The following ROBO2 variants were observed in gnomAD, a reference collection of about 807,000 sequenced individuals.
ROBO2 encodes the protein roundabout guidance receptor 2, also known as roundabout homolog 2.
A neutral mutation model predicts 160.8 loss-of-function variants in ROBO2; 53 were observed. The ratio of observed to expected loss-of-function variants is 0.33; its 90% CI spans 0.26 to 0.41. The LOEUF (loss-of-function observed/expected upper bound fraction) is 0.41, where lower values mean the gene tolerates loss of function less well. Ranked by LOEUF, ROBO2 falls within the 10% of genes least tolerant of loss-of-function variation. The pLI is 1.00. For missense variants in ROBO2, 1,577 were observed against 1,722.4 expected (o/e 0.92, Z 1.49); for synonymous variants, 664 against 611.7 (o/e 1.09, Z -1.26).
intron 5 of ROBO2, among the ~76,000 whole-genome samples, chr3:77,497,408 A>C (rs1344056704): frequency 6.6e-6 from 1 of 152,148 alleles, no homozygotes; most frequent in Non-Finnish European, 1.5e-5. Flanking sequence ...AAGAAGATGC[A>C]CTTTTGGGTT....
rs555090079 is a variant in ROBO2 at position 77,565,166 on chromosome 3, C to T, written c.1849+46C>T. ...CAAGACTGGTTCTAGGCAGAAACAT[C>T]AGATATTTAAGAACGAGGGGCTTGA... On this transcript the variant is annotated intron_variant, in intron 12 of 25. Coordinates refer to ENST00000461745, the Ensembl canonical transcript of ROBO2. 30 of 1,602,294 alleles carry T rather than the reference C, an allele frequency of 1.9e-5. 1 individual carries two copies. The African/African-American group carries it at 3.5e-4, about 19-fold the overall frequency.
intron 2 of ROBO2, among the ~76,000 whole-genome samples, chr3:77,149,045 T>G (rs1353900560): frequency 6.6e-6 from 1 of 150,856 alleles, no homozygotes; most frequent in African/African-American, 2.4e-5. Context: ...TTTTTTTTTT[T>G]TTTTTTTTTT....
intron 2 of ROBO2, among the ~76,000 whole-genome samples, chr3:76,736,110 C>A (rs267144): frequency 2.0e-5 from 3 of 150,950 alleles, no homozygotes; most frequent in South Asian, 2.1e-4. Flanking sequence ...GGTGAAACCC[C>A]GTCTCTACTA....
intron 2 of ROBO2, among the ~76,000 whole-genome samples, chr3:76,022,762 A>G (rs1223897089): frequency 1.3e-5 from 2 of 151,720 alleles, no homozygotes; most frequent in Non-Finnish European, 3.0e-5. Flanking sequence ...TATTTTCAGA[A>G]TGGTAAATGA....
intron 2 of ROBO2, among the ~76,000 whole-genome samples, chr3:77,197,777 G>A (rs1028516488): frequency 2.6e-5 from 4 of 152,178 alleles, no homozygotes; most frequent in Admixed American, 2.0e-4. Context: ...TTTAATTAGG[G>A]CCTTGAAATG....
At chr3:76,306,547 A>G (rs1357648834) in intron 2 of ROBO2, among the ~76,000 whole-genome samples, 1 of 152,182 alleles carries the variant, frequency 6.6e-6, no homozygotes, top group African/African-American at 2.4e-5. Context: ...ATCTTGCTTA[A>G]TGGTGTCAAA....
At chr3:76,492,002 G>A (rs1256016982) in intron 2 of ROBO2, among the ~76,000 whole-genome samples, 1 of 152,292 alleles carries the variant, frequency 6.6e-6, no homozygotes, top group South Asian at 2.1e-4. Flanking sequence ...TGTAGTCCCA[G>A]CTACTGGGGA....
intron 2 of ROBO2, among the ~76,000 whole-genome samples, chr3:77,332,652 G>T (rs1160280658): frequency 6.6e-6 from 1 of 151,994 alleles, no homozygotes; most frequent in African/African-American, 2.4e-5. Flanking sequence ...TGTATATTTA[G>T]TACATAAAAG....
At chr3:77,629,315 A>T (rs1318024525) in intron 23 of ROBO2, 1 of 152,092 alleles carries the variant, frequency 6.6e-6, no homozygotes, top group Non-Finnish European at 1.5e-5. Flanking sequence ...TACTGGTTTC[A>T]CCTGTCAATA....
intron 2 of ROBO2, among the ~76,000 whole-genome samples, chr3:76,286,946 CAT>C (rs758250171): frequency 7.2e-5 from 11 of 152,288 alleles, no homozygotes; most frequent in Middle Eastern, 3.4e-3. Context: ...ATTTAATTCA[CAT>C]GTTTTCTTTT....
At position 76,537,655 on chromosome 3, in the gene ROBO2, CT is replaced by C. The variant is rs1448721181; in HGVS notation, c.110-560358del. On this transcript the variant is annotated intron_variant, in intron 2 of 26. Coordinates refer to the ROBO2 transcript ENST00000487694. ...GAACCAGTCTCCCGAAGGAGTCCCC[CT>C]GTCCCTGGTTTCAGCACCAAGTATC... is the stretch of plus-strand genomic sequence containing the variant. 5.3e-5 allele frequency among the ~76,000 whole-genome samples: 8 copies of C among 152,210 alleles called. No homozygotes were observed. The South Asian group carries it at 1.0e-3, about 20-fold the overall frequency.
At chr3:77,290,121 G>T (rs2061011017) in intron 2 of ROBO2, among the ~76,000 whole-genome samples, 1 of 151,996 alleles carries the variant, frequency 6.6e-6, no homozygotes, top group South Asian at 2.1e-4. Context: ...GATCACCAAA[G>T]ACATAAAGTA....
chr3:76,986,279 G>A (rs966445556), intron 2 of ROBO2, among the ~76,000 whole-genome samples: 10 of 151,708 alleles, frequency 6.6e-5, no homozygotes, highest in African/African-American at 2.4e-4. Flanking sequence ...TTATCTTTAG[G>A]GCTGTTTACT....
chr3:76,568,721 T>C lies in ROBO2; in HGVS notation c.110-529293T>C, dbSNP rs1189134342. 2.6e-5 allele frequency among the ~76,000 whole-genome samples: 4 copies of C among 152,310 alleles called. No homozygotes were observed. In the East Asian group the frequency reaches 5.8e-4, roughly 22 times the overall value. On this transcript the variant is annotated intron_variant, in intron 2 of 26. Transcript: ENST00000487694. ...CATAATCAAGATTATTTTAAGAATCTGTGAGATATATTGTACCTTATTTAT... is the reference window on the plus strand; with the variant it reads ...CATAATCAAGATTATTTTAAGAATCCGTGAGATATATTGTACCTTATTTAT...
At chr3:76,931,479 T>C (rs2077334956) in intron 2 of ROBO2, among the ~76,000 whole-genome samples, 2 of 152,194 alleles carry the variant, frequency 1.3e-5, no homozygotes, top group Admixed American at 1.3e-4. Flanking sequence ...TTTATGATCT[T>C]ACATATTTAA....
At chr3:77,178,141 G>A (rs2080336714) in intron 2 of ROBO2, among the ~76,000 whole-genome samples, 1 of 151,970 alleles carries the variant, frequency 6.6e-6, no homozygotes, top group South Asian at 2.1e-4. Context: ...CAGAAGATAA[G>A]GGGTAGAACA....
intron 2 of ROBO2, among the ~76,000 whole-genome samples, chr3:75,996,145 G>A (rs1435435220): frequency 3.9e-5 from 6 of 152,116 alleles, no homozygotes; most frequent in Non-Finnish European, 8.8e-5. Context: ...GAAATGTGAG[G>A]ACATCAGATT....
At chr3:76,903,032 T>G (rs2075339580) in intron 2 of ROBO2, among the ~76,000 whole-genome samples, 2 of 152,026 alleles carry the variant, frequency 1.3e-5, no homozygotes, top group Admixed American at 6.6e-5. Context: ...TTACAAGGAA[T>G]ATTTATTACC....
Position 77,125,602 on chromosome 3 carries a change from G to A in ROBO2, c.388+27262G>A, listed in dbSNP as rs78587719. Among the ~76,000 whole-genome samples the A allele has an allele frequency of 6.2e-3, 937 of 152,160 alleles. 13 individuals are homozygous for A. The highest frequency in any genetic ancestry group is 0.021 in the African/African-American group (886 of 41,522). On this transcript the variant is annotated intron_variant, in intron 2 of 25. Transcript: ENST00000461745. Reference sequence around the variant, plus strand: ...GCTACACATCGGTATTTATGTCCGCGTGCCTGATCAAAAGTGTGATCTGAG... The same window carrying A: ...GCTACACATCGGTATTTATGTCCGCATGCCTGATCAAAAGTGTGATCTGAG...
Sources: gnomAD v4.1 joint callset for allele counts (sites outside exome capture counted in the v4.1 genomes callset) on GRCh38, gnomAD v4.1.1 for gene constraint, MANE v1.5 for transcripts, NCBI Gene and HGNC (gene_info 2026-07-23, HGNC 2026-07-21) for gene names.